The following OR6N1 variants were observed in gnomAD, a reference collection of about 807,000 sequenced individuals.
The protein encoded by OR6N1 is olfactory receptor family 6 subfamily N member 1, also known as olfactory receptor 6N1.
For synonymous variants in OR6N1, 170 were observed against 150.7 expected, an observed-to-expected ratio of 1.13 and a Z score of -0.94; for missense variants, 394 against 371.7, an observed-to-expected ratio of 1.06 and a Z score of -0.49.
the OR6N1 span, among the ~76,000 whole-genome samples, chr1:158,786,107 A>G: frequency 6.6e-6 from 1 of 152,244 alleles, no homozygotes; most frequent in African/African-American, 2.4e-5. Flanking sequence ...CAAACTATGC[A>G]TCCAACGAAA....
the OR6N1 span, among the ~76,000 whole-genome samples, chr1:158,837,634 CCT>C: frequency 2.0e-5 from 3 of 151,398 alleles, no homozygotes; most frequent in South Asian, 2.1e-4. Context: ...ACTTGGATCC[CCT>C]GTTTTTAAAT....
the OR6N1 span, among the ~76,000 whole-genome samples, chr1:158,826,315 T>C: frequency 1.3e-5 from 2 of 152,156 alleles, no homozygotes; most frequent in African/African-American, 4.8e-5. Context: ...CAGAAATTAA[T>C]ATGATTAAAG....
chr1:158,795,405 T>C, the OR6N1 span, among the ~76,000 whole-genome samples: 2 of 152,180 alleles, frequency 1.3e-5, no homozygotes, highest in Non-Finnish European at 2.9e-5. Flanking sequence ...TCTGTGCCCA[T>C]GTCTGTAGCA....
chr1:158,824,711 T>C, the OR6N1 span, among the ~76,000 whole-genome samples: 1 of 152,044 alleles, frequency 6.6e-6, no homozygotes, highest in Non-Finnish European at 1.5e-5. Flanking sequence ...AAACAAGCAA[T>C]GGGGAAAGGA....
the OR6N1 span, among the ~76,000 whole-genome samples, chr1:158,786,276 A>T: frequency 6.6e-6 from 1 of 152,214 alleles, no homozygotes; most frequent in Non-Finnish European, 1.5e-5. Context: ...AGGGAAATGC[A>T]AATTAAAACC....
At chr1:158,785,877 G>A in the OR6N1 span, among the ~76,000 whole-genome samples, 1 of 152,014 alleles carries the variant, frequency 6.6e-6, no homozygotes, top group Non-Finnish European at 1.5e-5. Context: ...TTCTTAAAGG[G>A]CCATGTAGTC....
At chr1:158,830,940 C>T in the OR6N1 span, among the ~76,000 whole-genome samples, 8 of 152,144 alleles carry the variant, frequency 5.3e-5, no homozygotes, top group South Asian at 1.0e-3. Context: ...TAGACCCACC[C>T]CTATCCAAGA....
chr1:158,781,371 G>C, the OR6N1 span, among the ~76,000 whole-genome samples: 30 of 152,326 alleles, frequency 2.0e-4, no homozygotes, highest in South Asian at 4.1e-4. Flanking sequence ...GTGAGAATCA[G>C]GCTCAGGGCA....
rs763116032 is a variant in OR6N1 at position 158,765,981 on chromosome 1, C to T, written c.702G>A (p.Lys234=). The change falls in exon 2 of 2, where the codon AAG becomes AAA. Residue 234 remains lysine, a synonymous_variant. Coordinates refer to ENST00000641846, the MANE Select transcript of OR6N1 (RefSeq NM_001005185.2). ...AGGCACACGTGGAGATGGCCTTCCT[C>T]TTGCCGGCAGCTGAGGGAATTCTGA... ...TVLRIPSAAG[K]RKAISTCASH... 1.2e-6 allele frequency: 2 copies of T among 1,614,208 alleles called. No individual in the cohort carries two copies. The highest frequency in any genetic ancestry group is 1.7e-6 in the Non-Finnish European group (2 of 1,180,026).
At chr1:158,810,181 G>A in the OR6N1 span, among the ~76,000 whole-genome samples, 2 of 152,016 alleles carry the variant, frequency 1.3e-5, no homozygotes, top group African/African-American at 4.8e-5. Flanking sequence ...GGTTTTGAGG[G>A]GAATCAACAC....
the OR6N1 span, chr1:158,777,471 C>A: frequency 6.2e-7 from 1 of 1,614,188 alleles, no homozygotes; most frequent in Non-Finnish European, 8.5e-7. Context: ...TAGGTGTGTG[C>A]AGAGCTGCAT....
chr1:158,836,707 T>G, the OR6N1 span, among the ~76,000 whole-genome samples: 956 of 151,860 alleles, frequency 6.3e-3, 2 homozygotes, highest in South Asian at 7.7e-3. Flanking sequence ...ATTATTTTTC[T>G]AATCTCAATT....
upstream of OR6N1, chr1:158,776,671 T>C (rs1427408521): frequency 6.6e-7 from 1 of 1,518,856 alleles, no homozygotes; most frequent in East Asian, 2.3e-5. Flanking sequence ...AGAAAGGACA[T>C]GGGAAGAAAG....
chr1:158,824,787 C>G, the OR6N1 span, among the ~76,000 whole-genome samples: 3 of 152,100 alleles, frequency 2.0e-5, no homozygotes, highest in Non-Finnish European at 2.9e-5. Flanking sequence ...AAACTGGACC[C>G]CTTCCTTACC....
At chr1:158,833,743 A>C in the OR6N1 span, among the ~76,000 whole-genome samples, 2 of 152,124 alleles carry the variant, frequency 1.3e-5, no homozygotes, top group Non-Finnish European at 2.9e-5. Context: ...CTTTTTATTC[A>C]TTCATCCATT....
the OR6N1 span, among the ~76,000 whole-genome samples, chr1:158,822,154 T>C: frequency 6.6e-6 from 1 of 152,222 alleles, no homozygotes; most frequent in Non-Finnish European, 1.5e-5. Context: ...TCCAGCTTTA[T>C]TCTTTTTGAT....
At chr1:158,771,435 T>G (rs959113619) in intron 1 of OR6N1, among the ~76,000 whole-genome samples, 6 of 152,180 alleles carry the variant, frequency 3.9e-5, no homozygotes, top group African/African-American at 1.4e-4. Flanking sequence ...GTGCAGCTCT[T>G]TAGCTCATCA....
the OR6N1 span, among the ~76,000 whole-genome samples, chr1:158,784,179 C>T: frequency 0.28 from 42,319 of 152,088 alleles, 6,335 homozygotes; most frequent in South Asian, 0.57. Flanking sequence ...ACAACATTTA[C>T]AACCAGGATA....
At chr1:158,802,199 CTTTTTT>C in the OR6N1 span, among the ~76,000 whole-genome samples, 1,673 of 105,206 alleles carry the variant, frequency 0.016, 28 homozygotes, top group African/African-American at 0.061. Context: ...CCTCATAGCA[CTTTTTT>C]TTTTTTTTTT....
Sources: gnomAD v4.1 joint callset for allele counts (sites outside exome capture counted in the v4.1 genomes callset) on GRCh38, gnomAD v4.1.1 for gene constraint, MANE v1.5 for transcripts, NCBI Gene and HGNC (gene_info 2026-07-23, HGNC 2026-07-21) for gene names.